The following ADGRE3 variants were observed in gnomAD, a reference collection of about 807,000 sequenced individuals.
The protein encoded by ADGRE3 is adhesion G protein-coupled receptor E3, also known as EGF-like module receptor 3.
ADGRE3 carries 88 observed loss-of-function variants against 80.1 expected under a neutral mutation model. The observed-to-expected ratio is 1.10, with a 90% CI of 0.93 to 1.31. The LOEUF is 1.31. Among genes scored for constraint, ADGRE3 ranks in the 40% most tolerant of loss-of-function variants. The probability of loss-of-function intolerance (pLI) is 0.00; values close to 1 mark genes in which losing one functional copy is unlikely to be tolerated. For synonymous variants in ADGRE3, 281 were observed against 294.8 expected (o/e 0.95, Z 0.48); for missense variants, 715 against 776.5 (o/e 0.92, Z 0.94).
the ADGRE3 span, chr19:14,607,114 G>T: frequency 8.2e-7 from 1 of 1,220,628 alleles, no homozygotes; most frequent in South Asian, 2.8e-5. Flanking sequence ...CAAGTGCTTG[G>T]GTTTCCTGGG....
chr19:14,612,475 CAG>C, the ADGRE3 span, among the ~76,000 whole-genome samples: 3,129 of 152,202 alleles, frequency 0.021, 55 homozygotes, highest in African/African-American at 0.046. Flanking sequence ...GCTGGGATTA[CAG>C]GTGTGCACCA....
the ADGRE3 span, among the ~76,000 whole-genome samples, chr19:14,600,653 C>T: frequency 6.6e-6 from 1 of 151,258 alleles, no homozygotes; most frequent in African/African-American, 2.4e-5. Flanking sequence ...TGGATCTTGG[C>T]TCACTGTAAG....
At chr19:14,628,080 G>A (rs1001626484) in intron 14 of ADGRE3, among the ~76,000 whole-genome samples, 9 of 151,896 alleles carry the variant, frequency 5.9e-5, no homozygotes, top group African/African-American at 2.2e-4. Context: ...GTGGGCTGAG[G>A]TCGTGCCATT....
At chr19:14,660,607 GA>G (rs139025047) in intron 4 of ADGRE3, among the ~76,000 whole-genome samples, 3,760 of 150,512 alleles carry the variant, frequency 0.025, 181 homozygotes, top group African/African-American at 0.088. Flanking sequence ...CTGGGTGACA[GA>G]GTGAGACCCC....
intron 2 of ADGRE3, among the ~76,000 whole-genome samples, chr19:14,664,421 G>A (rs746373643): frequency 6.6e-5 from 10 of 152,130 alleles, no homozygotes; most frequent in African/African-American, 2.4e-4. Flanking sequence ...ACGGTGAGAG[G>A]CATGGTGAGC....
intron 11 of ADGRE3, among the ~76,000 whole-genome samples, chr19:14,636,138 C>CTT (rs71166772): frequency 2.4e-5 from 2 of 84,264 alleles, no homozygotes; most frequent in Non-Finnish European, 4.8e-5. Flanking sequence ...TTCTTTCTTT[C>CTT]TTTCTTTCTT....
At chr19:14,617,340 C>CCCTCCCTT (rs1568469436), downstream of ADGRE3, among the ~76,000 whole-genome samples, 3 of 31,072 alleles carry the variant, frequency 9.7e-5, no homozygotes, top group African/African-American at 2.2e-4. Flanking sequence ...CTCCCTCCCT[C>CCCTCCCTT]CCTTTCTTTC....
intron 7 of ADGRE3, 48 bp downstream of exon 7, chr19:14,651,037 A>G (rs747173091): frequency 1.9e-6 from 3 of 1,607,550 alleles, no homozygotes; most frequent in Non-Finnish European, 1.7e-6. Flanking sequence ...GACTCACACA[A>G]TGACATGGCT....
intron 11 of ADGRE3, among the ~76,000 whole-genome samples, 188 bp downstream of exon 11, chr19:14,637,917 T>C (rs1443432952): frequency 6.6e-6 from 1 of 152,114 alleles, no homozygotes; most frequent in Non-Finnish European, 1.5e-5. Flanking sequence ...GTTGGTTGTA[T>C]AAGACTTCCA....
intron 9 of ADGRE3, among the ~76,000 whole-genome samples, chr19:14,642,804 C>T (rs1971289222): frequency 6.6e-6 from 1 of 152,140 alleles, no homozygotes; most frequent in Admixed American, 6.6e-5. Flanking sequence ...TCCATATGTA[C>T]CACATTTTCT....
At chr19:14,624,933 G>A (rs10422856) in intron 15 of ADGRE3, among the ~76,000 whole-genome samples, 1 of 151,408 alleles carries the variant, frequency 6.6e-6, no homozygotes, top group Admixed American at 6.6e-5. Context: ...GGACGTTGGA[G>A]GGGGGAGAGC....
chr19:14,654,114 C>G (rs368897395), intron 6 of ADGRE3, among the ~76,000 whole-genome samples: 114 of 151,736 alleles, frequency 7.5e-4, no homozygotes, highest in African/African-American at 2.7e-3. Context: ...TACCACGCCC[C>G]GCTAATTTCT....
At chr19:14,663,707 T>C (rs112792432) in intron 2 of ADGRE3, among the ~76,000 whole-genome samples, 167 bp from the exon 3 acceptor site, 7,522 of 150,244 alleles carry the variant, frequency 0.05, 209 homozygotes, top group East Asian at 0.1. Context: ...GGCGTGGTGG[T>C]GCATGCCTAT....
chr19:14,668,967 T>C (rs909268012), intron 1 of ADGRE3, 115 bp from the exon 2 acceptor site: 43 of 999,566 alleles, frequency 4.3e-5, no homozygotes, highest in Non-Finnish European at 6.4e-5. Context: ...ATTACAAAAA[T>C]GTAGTGGCTT....
chr19:14,610,589 CT>C, the ADGRE3 span: 1 of 183,540 alleles, frequency 5.4e-6, no homozygotes, highest in Non-Finnish European at 1.2e-5. Flanking sequence ...GACTGGGCTC[CT>C]TTTCCTGCAG....
Position 14,647,319 on chromosome 19 carries a change from G to A in ADGRE3, c.744C>T (p.Ile248=). 1 of 1,612,330 alleles carries A rather than the reference G, an allele frequency of 6.2e-7. No individual in the cohort carries two copies. ...AFISYSSLGN[I]INATFFEEMD... ...TCTCTTCAAAAAAAGTTGCATTTAT[G>A]ATGTTTCCAAGAGAAGAATATGAGA... Residue 248 remains isoleucine, a synonymous_variant, in exon 8 of 16, where the codon ATC becomes ATT. Coordinates refer to ENST00000253673, the MANE Select transcript of ADGRE3 (RefSeq NM_032571.5).
At chr19:14,659,395 A>G (rs753498780) in intron 4 of ADGRE3, among the ~76,000 whole-genome samples, 3 of 152,166 alleles carry the variant, frequency 2.0e-5, no homozygotes, top group Non-Finnish European at 4.4e-5. Context: ...AATGTCCGAG[A>G]AAACAGAAAA....
intron 2 of ADGRE3, among the ~76,000 whole-genome samples, chr19:14,664,423 A>C (rs1380510796): frequency 6.6e-6 from 1 of 152,152 alleles, no homozygotes; most frequent in Admixed American, 6.6e-5. Context: ...GGTGAGAGGC[A>C]TGGTGAGCAC....
At chr19:14,674,422 G>A (rs1238234689) in intron 1 of ADGRE3, among the ~76,000 whole-genome samples, 4 of 152,026 alleles carry the variant, frequency 2.6e-5, no homozygotes, top group Non-Finnish European at 5.9e-5. Context: ...ACTTGAACCC[G>A]GGAGGCAGAG....
Sources: allele counts gnomAD v4.1 joint callset (sites outside exome capture counted in the v4.1 genomes callset), GRCh38; gene constraint gnomAD v4.1.1; transcripts MANE v1.5; gene names NCBI Gene and HGNC (gene_info 2026-07-23, HGNC 2026-07-21).